Variants in SLC25A26 observed in about 807,000 individuals in gnomAD.
SLC25A26 encodes the protein solute carrier family 25 member 26, also known as mitochondrial S-adenosylmethionine carrier protein.
A neutral mutation model predicts 37.8 loss-of-function variants in SLC25A26; 36 were observed. The observed-to-expected ratio is 0.95, with a 90% CI of 0.73 to 1.26. SLC25A26 has a LOEUF of 1.26. Ranked by LOEUF, SLC25A26 falls within the 50% of genes most tolerant of loss-of-function variation. The pLI is 0.00. For missense variants in SLC25A26, 390 were observed against 331.1 expected, an observed-to-expected ratio of 1.18 and a Z score of -1.38; for synonymous variants, 129 against 122.5, an observed-to-expected ratio of 1.05 and a Z score of -0.35.
intron 5 of SLC25A26, among the ~76,000 whole-genome samples, chr3:66,327,766 G>C (rs1190857410): frequency 2.0e-5 from 3 of 151,976 alleles, no homozygotes; most frequent in African/African-American, 7.3e-5. Context: ...AGTTTAATTT[G>C]TAATTTTTTA....
At chr3:66,342,916 G>A (rs1449465064) in intron 5 of SLC25A26, among the ~76,000 whole-genome samples, 1 of 152,144 alleles carries the variant, frequency 6.6e-6, no homozygotes, top group Admixed American at 6.5e-5. Flanking sequence ...CTTAAATGGA[G>A]GCATTAAACA....
upstream of SLC25A26, chr3:66,220,637 C>A: frequency 6.1e-6 from 1 of 163,516 alleles, no homozygotes; most frequent in Non-Finnish European, 1.3e-5. Context: ...AGAGATAAAC[C>A]AAAATGAAAT....
At chr3:66,318,455 G>C (rs1575558468) in intron 5 of SLC25A26, among the ~76,000 whole-genome samples, 1 of 152,050 alleles carries the variant, frequency 6.6e-6, no homozygotes, top group East Asian at 1.9e-4. Flanking sequence ...AAGCTCCCGG[G>C]TGGGCCCTTG....
At chr3:66,186,430 G>C (rs1305158858) in intron 1 of SLC25A26, among the ~76,000 whole-genome samples, 1 of 151,832 alleles carries the variant, frequency 6.6e-6, no homozygotes, top group Non-Finnish European at 1.5e-5. Context: ...CCTCCCTGCT[G>C]CTGAACTTGA....
At chr3:66,173,234 C>T (rs150072811) in intron 1 of SLC25A26, among the ~76,000 whole-genome samples, 6,421 of 152,248 alleles carry the variant, frequency 0.042, 225 homozygotes, top group Middle Eastern at 0.071. Flanking sequence ...AACCCGATGC[C>T]TGTCTGGGGA....
chr3:66,287,454 A>G (rs911104680), intron 5 of SLC25A26, among the ~76,000 whole-genome samples: 1 of 151,766 alleles, frequency 6.6e-6, no homozygotes, highest in Non-Finnish European at 1.5e-5. Flanking sequence ...TTCTGTCTCT[A>G]TTTTTCTGAA....
At chr3:66,256,963 C>G (rs1193700304) in intron 3 of SLC25A26, among the ~76,000 whole-genome samples, 2 of 152,114 alleles carry the variant, frequency 1.3e-5, no homozygotes, top group East Asian at 3.9e-4. Flanking sequence ...TATTTTTTTG[C>G]TGATTCATTT....
At chr3:66,361,954 G>A (rs1575609834) in intron 6 of SLC25A26, among the ~76,000 whole-genome samples, 1 of 151,998 alleles carries the variant, frequency 6.6e-6, no homozygotes, top group Non-Finnish European at 1.5e-5. Flanking sequence ...CAGCCTGGGT[G>A]ACAGAGCGAG....
At chr3:66,317,381 G>C (rs1364220962) in intron 5 of SLC25A26, among the ~76,000 whole-genome samples, 1 of 152,116 alleles carries the variant, frequency 6.6e-6, no homozygotes, top group African/African-American at 2.4e-5. Context: ...CTACTGCAGT[G>C]TGCTGGGGGT....
At chr3:66,312,551 GA>G (rs937432062) in intron 5 of SLC25A26, among the ~76,000 whole-genome samples, 23 of 142,810 alleles carry the variant, frequency 1.6e-4, no homozygotes, top group South Asian at 6.7e-4. Context: ...AGAAACAACA[GA>G]AAAAAAAAAA....
intron 1 of SLC25A26, among the ~76,000 whole-genome samples, chr3:66,205,497 C>T (rs1305940212): frequency 2.0e-5 from 3 of 152,114 alleles, no homozygotes; most frequent in Non-Finnish European, 2.9e-5. Flanking sequence ...GCAGCATAAA[C>T]GCAAGGGTCT....
intron 5 of SLC25A26, among the ~76,000 whole-genome samples, chr3:66,318,282 T>TA (rs2075595333): frequency 6.6e-6 from 1 of 152,204 alleles, no homozygotes; most frequent in African/African-American, 2.4e-5. Flanking sequence ...GTTCTGTGCT[T>TA]AGGACCCAAG....
intron 5 of SLC25A26, 68 bp from the exon 6 acceptor site, chr3:66,346,296 G>T: frequency 2.8e-6 from 2 of 720,030 alleles, no homozygotes; most frequent in East Asian, 5.7e-5. Flanking sequence ...TTACAGGCTC[G>T]TATAGTCATA....
chr3:66,272,669 G>A (rs9856157), intron 5 of SLC25A26, among the ~76,000 whole-genome samples: 1 of 152,090 alleles, frequency 6.6e-6, no homozygotes, highest in Admixed American at 6.5e-5. Context: ...TCACTCACCT[G>A]TTACCTTTGC....
At position 66,369,547 on chromosome 3, in the gene SLC25A26, G is replaced by C. The variant is rs1390031159; in HGVS notation, c.633+5G>C. The C allele has an allele frequency of 6.3e-7, 1 of 1,590,512 alleles. No individual in the cohort carries two copies. Among genetic ancestry groups the C allele is most frequent in the African/African-American group, 1.3e-5 (1 of 74,528 alleles). ...ACAAGAATTACGCTGGCAAAGGTAA[G>C]TGGTGAAATAATGTAATGGAGATAC... On this transcript the variant is annotated splice_donor_5th_base_variant and intron_variant, in intron 8 of 9. Transcript: ENST00000354883.
Position 66,162,344 on chromosome 3 carries a change from C to CTT in SLC25A26, c.-354+28375_-354+28376dup, listed in dbSNP as rs562402223. Among the ~76,000 whole-genome samples the CTT allele has an allele frequency of 8.7e-3, 413 of 47,390 alleles. 6 individuals are homozygous for CTT. The highest frequency in any genetic ancestry group is 0.029 in the African/African-American group (388 of 13,588). 31.1% of individuals were successfully genotyped at this position (47,390 alleles called of 152,430 possible). ...AGGACTTCAACATGGATTTTTTTTT[C>CTT]TTTTTTTTTTTTTTTTGTGGTTGGG... is the stretch of plus-strand genomic sequence containing the variant. On this transcript the variant is annotated intron_variant, in intron 1 of 10. Coordinates refer to the SLC25A26 transcript ENST00000676754.
At chr3:66,367,701 C>CACAG (rs1424060956) in intron 7 of SLC25A26, among the ~76,000 whole-genome samples, 3 of 149,088 alleles carry the variant, frequency 2.0e-5, no homozygotes, top group African/African-American at 7.5e-5. Flanking sequence ...GACAGACAGA[C>CACAG]AGACACAGAG....
At chr3:66,179,508 G>C (rs1459147751) in intron 1 of SLC25A26, among the ~76,000 whole-genome samples, 1 of 152,150 alleles carries the variant, frequency 6.6e-6, no homozygotes, top group Non-Finnish European at 1.5e-5. Context: ...TGTAAGATTA[G>C]CACTGTGAGA....
At position 66,236,682 on chromosome 3, in the gene SLC25A26, A is replaced by C. The variant is rs1186102990; in HGVS notation, c.172A>C (p.Ile58Leu). 1.7e-5 allele frequency: 26 copies of C among 1,521,216 alleles called. No homozygotes were observed. The highest frequency in any genetic ancestry group is 3.6e-5 in the South Asian group (3 of 82,284). The allele number at this position is 1,521,216 out of a possible 1,614,324, so 94.2% of individuals were successfully genotyped here. ...ATATGCTGGCGTTCCTTCTGCTGCT[A>C]TTGGATCCTTTCCTAATGGTAAAAA... ...GIYAGVPSAA[I>L]GSFPNAAAFF... Residue 58 changes from isoleucine (I) to leucine (L), a missense_variant, in exon 2 of 10, where the codon ATT (isoleucine) becomes CTT (leucine). Coordinates refer to ENST00000354883, the MANE Select transcript of SLC25A26 (RefSeq NM_001379210.1).
Sources: gnomAD v4.1 joint callset for allele counts (sites outside exome capture counted in the v4.1 genomes callset) on GRCh38, gnomAD v4.1.1 for gene constraint, MANE v1.5 for transcripts, NCBI Gene and HGNC (gene_info 2026-07-23, HGNC 2026-07-21) for gene names.